CYP2C19: variants seen among roughly 807,000 people sequenced by gnomAD.
CYP2C19 encodes cytochrome P450 family 2 subfamily C member 19.
A neutral mutation model predicts 40.9 loss-of-function variants in CYP2C19; 59 were observed. The ratio of observed to expected loss-of-function variants is 1.44; its 90% CI spans 1.17 to 1.79. CYP2C19 has a LOEUF of 1.79. Ranked by LOEUF, CYP2C19 falls within the 40% of genes most tolerant of loss-of-function variation. CYP2C19 has a pLI of 0.00. For missense variants in CYP2C19, 754 were observed against 596.9 expected (o/e 1.26, Z -2.74); for synonymous variants, 253 against 208.7 (o/e 1.21, Z -1.83).
In CYP2C19 at chr10:94,780,570, A is replaced by C. The variant is rs1407326432; in HGVS notation, c.553A>C (p.Lys185Gln). ...TGTGATCTGCTCCATTATTTTCCAGAAACGTTTCGATTATAAAGATCAGCA... is the reference window on the plus strand; with the variant it reads ...TGTGATCTGCTCCATTATTTTCCAGCAACGTTTCGATTATAAAGATCAGCA... ...CNVICSIIFQ[K>Q]RFDYKDQQFL... Residue 185 changes from lysine (K) to glutamine (Q), a missense_variant, in exon 4 of 9, where the codon AAA becomes CAA. Transcript: ENST00000371321. 1.9e-6 allele frequency: 3 copies of C among 1,613,940 alleles called. No homozygotes were observed. In the African/African-American group the frequency reaches 4.0e-5, roughly 22 times the overall value.
At chr10:94,813,534 A>G (rs1204696985) in intron 5 of CYP2C19, among the ~76,000 whole-genome samples, 4 of 151,994 alleles carry the variant, frequency 2.6e-5, no homozygotes, top group African/African-American at 9.7e-5. Flanking sequence ...GCGGAGCTGA[A>G]GTGGACTCCA....
intron 5 of CYP2C19, among the ~76,000 whole-genome samples, chr10:94,809,333 T>A (rs1222464796): frequency 6.6e-6 from 1 of 152,188 alleles, no homozygotes; most frequent in Non-Finnish European, 1.5e-5. Context: ...GTCTGGTTGT[T>A]AATCCCCTGT....
chr10:94,796,396 A>G (rs989015153), intron 5 of CYP2C19, among the ~76,000 whole-genome samples: 19 of 152,274 alleles, frequency 1.2e-4, no homozygotes, highest in South Asian at 4.1e-4. Context: ...TGTTTACTGT[A>G]GCCTTGCAGT....
At chr10:94,786,059 GTCTCTC>G (rs148764138) in intron 5 of CYP2C19, among the ~76,000 whole-genome samples, 11 of 149,714 alleles carry the variant, frequency 7.3e-5, no homozygotes, top group Non-Finnish European at 1.3e-4. Flanking sequence ...CTCTTTGGAT[GTCTCTC>G]TCTCTCTCTC....
At chr10:94,779,189 G>C (rs1848450513) in intron 3 of CYP2C19, among the ~76,000 whole-genome samples, 1 of 151,930 alleles carries the variant, frequency 6.6e-6, no homozygotes, top group Non-Finnish European at 1.5e-5. Flanking sequence ...CTAGATGACA[G>C]GTTCATAGAT....
At chr10:94,834,043 C>T (rs1401949536) in intron 6 of CYP2C19, among the ~76,000 whole-genome samples, 2 of 152,078 alleles carry the variant, frequency 1.3e-5, no homozygotes, top group East Asian at 1.9e-4. Flanking sequence ...TTCTCTTCTC[C>T]TTTATTTTTT....
At chr10:94,835,587 T>G (rs1849390229) in intron 6 of CYP2C19, among the ~76,000 whole-genome samples, 1 of 152,068 alleles carries the variant, frequency 6.6e-6, no homozygotes, top group African/African-American at 2.4e-5. Context: ...TATTTTCCTT[T>G]CCTTTCCTTT....
In CYP2C19 at chr10:94,852,914, A is replaced by G; in HGVS notation, c.1473A>G (p.Ter491TrpextTer26). 6.2e-7 allele frequency: 1 copy of G among 1,613,920 alleles called. No homozygotes were observed. Among genetic ancestry groups the G allele is most frequent in the East Asian group, 2.2e-5 (1 of 44,876 alleles). Residue 491 changes from the stop codon to tryptophan (W), a stop_lost, in exon 9 of 9, where the codon TGA becomes TGG. Transcript: ENST00000371321. ...ATCAGCTGTGCTTCATTCCTGTCTG[A>G]AGAAGCACAGATGGTCTGGCTGCTC... ...PFYQLCFIPV* is the reference protein window; with the variant it reads ...PFYQLCFIPVW
chr10:94,770,013 G>C (rs1301846415), intron 1 of CYP2C19, among the ~76,000 whole-genome samples: 1 of 152,186 alleles, frequency 6.6e-6, no homozygotes, highest in African/African-American at 2.4e-5. Flanking sequence ...GAAATACCTG[G>C]TTACAGGCTG....
At chr10:94,831,332 A>T (rs763649626) in intron 6 of CYP2C19, among the ~76,000 whole-genome samples, 3 of 152,248 alleles carry the variant, frequency 2.0e-5, no homozygotes, top group Non-Finnish European at 4.4e-5. Context: ...CAGTGCTGCA[A>T]CAAACACAAG....
In CYP2C19 at chr10:94,822,603, T is replaced by A. The variant is rs114463818; in HGVS notation, c.961+1966T>A. ...GGCATATACTCAATAGTTGGATTGC[T>A]GGGTCAACTAAAGTTCTATTTTAAT... On this transcript the variant is annotated intron_variant, in intron 6 of 8. Coordinates refer to ENST00000371321, the MANE Select transcript of CYP2C19 (RefSeq NM_000769.4). Among the ~76,000 whole-genome samples the A allele has an allele frequency of 3.1e-3, 473 of 152,324 alleles. 3 individuals carry two copies. The highest frequency in any genetic ancestry group is 0.011 in the African/African-American group (450 of 41,568).
At chr10:94,778,516 A>T (rs553738519) in intron 3 of CYP2C19, among the ~76,000 whole-genome samples, 1 of 152,218 alleles carries the variant, frequency 6.6e-6, no homozygotes, top group Non-Finnish European at 1.5e-5. Context: ...ACATATGAAA[A>T]AAAGCTCATC....
chr10:94,845,825 A>G (rs1006023820), intron 7 of CYP2C19, among the ~76,000 whole-genome samples: 2 of 152,088 alleles, frequency 1.3e-5, no homozygotes, highest in Non-Finnish European at 1.5e-5. Context: ...ATGAAAACTT[A>G]GTGGGTAGAA....
At chr10:94,851,457 A>G (rs1344826198) in intron 8 of CYP2C19, among the ~76,000 whole-genome samples, 3 of 144,120 alleles carry the variant, frequency 2.1e-5, no homozygotes, top group Non-Finnish European at 4.5e-5. Context: ...TAAATAAATA[A>G]ATAAATAAAT....
At chr10:94,842,329 C>A (rs1244613770) in intron 6 of CYP2C19, among the ~76,000 whole-genome samples, 1 of 146,500 alleles carries the variant, frequency 6.8e-6, no homozygotes, top group East Asian at 2.0e-4. Context: ...TTTTTATTTC[C>A]TTTGGAATGT....
chr10:94,849,812 G>A (rs1436751795), intron 7 of CYP2C19, 105 bp from the exon 8 acceptor site: 7 of 1,404,374 alleles, frequency 5.0e-6, no homozygotes, highest in Admixed American at 1.7e-5. Context: ...TTGGAATGGT[G>A]TTTCATCATC....
chr10:94,777,659 G>C (rs777040101), intron 3 of CYP2C19, among the ~76,000 whole-genome samples: 1 of 152,156 alleles, frequency 6.6e-6, no homozygotes, highest in Admixed American at 6.5e-5. Flanking sequence ...ACTCAAGATG[G>C]ATTGAAGACT....
chr10:94,793,382 CA>C (rs1363497898), intron 5 of CYP2C19, among the ~76,000 whole-genome samples: 2 of 152,168 alleles, frequency 1.3e-5, no homozygotes, highest in African/African-American at 4.8e-5. Flanking sequence ...ATTCTCTGTC[CA>C]GCTATCTTCT....
intron 5 of CYP2C19, among the ~76,000 whole-genome samples, chr10:94,818,699 G>A (rs1277683861): frequency 3.3e-5 from 5 of 149,670 alleles, no homozygotes; most frequent in South Asian, 4.3e-4. Context: ...TTTGTCTGTT[G>A]TTGGTGTATA....
Sources: gnomAD v4.1 joint callset for allele counts (sites outside exome capture counted in the v4.1 genomes callset) on GRCh38, gnomAD v4.1.1 for gene constraint, MANE v1.5 for transcripts, NCBI Gene and HGNC (gene_info 2026-07-23, HGNC 2026-07-21) for gene names.